TSPAN16: variants seen among roughly 807,000 people sequenced by gnomAD.
TSPAN16 encodes the protein tetraspanin 16.
A neutral mutation model predicts 25.2 loss-of-function variants in TSPAN16; 23 were observed. The ratio of observed to expected loss-of-function variants is 0.91; its 90% confidence interval spans 0.66 to 1.29. The LOEUF is 1.29. Among genes scored for constraint, TSPAN16 ranks in the 50% most tolerant of loss-of-function variants. The pLI, the probability that TSPAN16 is intolerant of heterozygous loss-of-function variation, is 0.00. For missense variants in TSPAN16, 272 were observed against 299.9 expected (o/e 0.91, Z 0.69); for synonymous variants, 123 against 124.4 (o/e 0.99, Z 0.08).
intron 6 of TSPAN16, among the ~76,000 whole-genome samples, chr19:11,312,944 G>T (rs1370791701): frequency 6.6e-6 from 1 of 152,056 alleles, no homozygotes; most frequent in Non-Finnish European, 1.5e-5. Context: ...AGATGAAATA[G>T]ACAAATTCCT....
intron 1 of TSPAN16, among the ~76,000 whole-genome samples, chr19:11,297,842 A>T (rs1599324413): frequency 2.0e-5 from 3 of 151,988 alleles, no homozygotes; most frequent in African/African-American, 7.2e-5. Context: ...TCCAGGCTGG[A>T]GTACAGTGGC....
chr19:11,302,999 G>A lies in TSPAN16; in HGVS notation c.450+1691G>A, dbSNP rs542177747. On this transcript the variant is annotated intron_variant, in intron 4 of 6. Transcript: ENST00000590327. The stretch of plus-strand genomic sequence containing the variant: ...AGGTGAGGGGCGCCTCTGCCCGGCC[G>A]CCCCTACTGGGAAGTGAGGAGCCCC... Among the ~76,000 whole-genome samples the A allele has an allele frequency of 5.3e-5, 8 of 150,022 alleles. No homozygotes were observed. The East Asian group carries it at 9.8e-4, about 18-fold the overall frequency.
At chr19:11,306,129 G>A (rs549524343) in intron 4 of TSPAN16, among the ~76,000 whole-genome samples, 7 of 152,102 alleles carry the variant, frequency 4.6e-5, no homozygotes, top group Non-Finnish European at 8.8e-5. Flanking sequence ...TTAGCCAGGC[G>A]TGGGGGCGTG....
intron 6 of TSPAN16, chr19:11,325,522 A>G: frequency 6.2e-7 from 1 of 1,613,728 alleles, no homozygotes; most frequent in Non-Finnish European, 8.5e-7. Context: ...GACATCCACC[A>G]GGCGCTCGAA....
chr19:11,312,918 A>G (rs2080708554), intron 6 of TSPAN16, among the ~76,000 whole-genome samples: 2 of 152,218 alleles, frequency 1.3e-5, no homozygotes, highest in South Asian at 4.1e-4. Context: ...CTGTATGCCA[A>G]TAAATTAGCT....
At chr19:11,312,333 A>G (rs1051035210) in intron 6 of TSPAN16, 111 bp downstream of exon 6, 11 of 559,930 alleles carry the variant, frequency 2.0e-5, no homozygotes, top group Non-Finnish European at 2.6e-5. Flanking sequence ...AAAAAAAAAA[A>G]AAAAAAGAAA....
chr19:11,310,517 A>C (rs2080679348), intron 5 of TSPAN16, among the ~76,000 whole-genome samples: 1 of 29,590 alleles, frequency 3.4e-5, no homozygotes, highest in African/African-American at 3.9e-4. Context: ...TTCCGTCTCA[A>C]AAAAAAAAAA....
chr19:11,305,010 G>A (rs982592202), intron 4 of TSPAN16, among the ~76,000 whole-genome samples: 11 of 151,892 alleles, frequency 7.2e-5, no homozygotes, highest in Admixed American at 1.3e-4. Flanking sequence ...TCTTGAACTC[G>A]TCGCCTGAAG....
chr19:11,301,429 C>G lies in TSPAN16; in HGVS notation c.450+121C>G, dbSNP rs556602906. On this transcript the variant is annotated intron_variant, in intron 4 of 6. Transcript: ENST00000590327. ...CCGAGGTGGGAGGATCACTTGAGGT[C>G]AGGAGTTTGAGACCAGCTGAGCCAA... The G allele has an allele frequency of 8.9e-5, 59 of 665,364 alleles. No homozygotes were observed. In the South Asian group the frequency reaches 9.1e-4, roughly 10 times the overall value. 41.2% of individuals were successfully genotyped at this position (665,364 alleles called of 1,614,324 possible). A position where few individuals can be genotyped will look rare whatever the true frequency, so the allele number is the denominator to read the frequency against.
chr19:11,316,097 G>GTA (rs966929249), downstream of TSPAN16: 4 of 315,700 alleles, frequency 1.3e-5, no homozygotes, highest in African/African-American at 1.4e-4. Context: ...GTGTGTGTGT[G>GTA]TGTGTGTGTG....
intron 5 of TSPAN16, among the ~76,000 whole-genome samples, chr19:11,311,896 C>G (rs1356715095): frequency 6.6e-6 from 1 of 152,052 alleles, no homozygotes; most frequent in African/African-American, 2.4e-5. Flanking sequence ...TTAGCACAGA[C>G]AAGTAGAAGG....
Position 11,298,151 on chromosome 19 carries a change from A to G in TSPAN16, c.79A>G (p.Ile27Val), listed in dbSNP as rs778050931. ...GGTTTCTGTTCTAAAGGTGTCTGGC[A>G]TCATCCTAGTTGGCCTGGGCATTGG... ...LLNGFVAVSG[I>V]ILVGLGIGGK... The change falls in exon 2 of 7, where the codon ATC (isoleucine) becomes GTC (valine). Residue 27 changes from isoleucine to valine, a missense_variant. Transcript: ENST00000590327. The G allele has an allele frequency of 1.1e-5, 17 of 1,614,042 alleles. No individual in the cohort carries two copies. In the Admixed American group the frequency reaches 2.8e-4, roughly 27 times the overall value.
chr19:11,300,418 G>A (rs2080531692), intron 3 of TSPAN16, among the ~76,000 whole-genome samples: 1 of 152,142 alleles, frequency 6.6e-6, no homozygotes, highest in South Asian at 2.1e-4. Flanking sequence ...CTCCCAGGGG[G>A]CATGTGGGCT....
At chr19:11,306,962 T>A (rs1047008838) in intron 5 of TSPAN16, 1 of 509,224 alleles carries the variant, frequency 2.0e-6, no homozygotes, top group Non-Finnish European at 3.5e-6. Flanking sequence ...ATCACAGGCA[T>A]GCACCGCCAC....
chr19:11,320,191 G>A (rs1003729151), downstream of TSPAN16, among the ~76,000 whole-genome samples: 2 of 143,420 alleles, frequency 1.4e-5, no homozygotes, highest in Non-Finnish European at 3.0e-5. Flanking sequence ...GCACGATCTC[G>A]GCACACCCCA....
chr19:11,322,480 T>A (rs1043800009), intron 6 of TSPAN16: 1 of 152,136 alleles, frequency 6.6e-6, no homozygotes, highest in Admixed American at 6.6e-5. Context: ...TAGTGGGTGG[T>A]CCTGACCAAT....
intron 4 of TSPAN16, among the ~76,000 whole-genome samples, chr19:11,302,674 T>C (rs550304597): frequency 0.028 from 3,619 of 128,498 alleles, 175 homozygotes; most frequent in African/African-American, 0.14. Context: ...TATATATATA[T>C]ATATACACAC....
rs377681956 is a variant in TSPAN16 at position 11,303,572 on chromosome 19, T to A, written c.450+2264T>A. On this transcript the variant is annotated intron_variant, in intron 4 of 6. Transcript: ENST00000590327. Reference sequence around the variant, plus strand: ...GATCAATAAAAAATAAATAAATAAATAAATTAAAAAAAAAAAAAAAAAAAA... The same window carrying A: ...GATCAATAAAAAATAAATAAATAAAAAAATTAAAAAAAAAAAAAAAAAAAA... Among the ~76,000 whole-genome samples, 322 of 76,230 alleles carry A rather than the reference T, an allele frequency of 4.2e-3. 1 individual carries two copies. The highest frequency in any genetic ancestry group is 5.4e-3 in the African/African-American group (95 of 17,656). 50.0% of individuals were successfully genotyped at this position (76,230 alleles called of 152,430 possible).
At chr19:11,325,554 C>T (rs1375513055) in intron 6 of TSPAN16, 11 of 1,612,708 alleles carry the variant, frequency 6.8e-6, no homozygotes, top group Non-Finnish European at 8.5e-6. Flanking sequence ...CATTGATGTT[C>T]TCCTTGGCAC....
Sources: gnomAD v4.1 joint callset for allele counts (sites outside exome capture counted in the v4.1 genomes callset) on GRCh38, gnomAD v4.1.1 for gene constraint, MANE v1.5 for transcripts, NCBI Gene and HGNC (gene_info 2026-07-23, HGNC 2026-07-21) for gene names.